The following TAFA2 variants were observed in gnomAD, a reference collection of about 807,000 sequenced individuals.
TAFA2 encodes the protein chemokine-like protein TAFA-2.
TAFA2 carries 7 observed loss-of-function variants against 18.8 expected under a neutral mutation model. That is an observed-to-expected ratio of 0.37 (90% CI 0.21 to 0.70). TAFA2 has a LOEUF of 0.70. Among genes scored for constraint, TAFA2 ranks in the 30% least tolerant of loss-of-function variants. The pLI is 0.53. For synonymous variants in TAFA2, 60 were observed against 54.2 expected, an observed-to-expected ratio of 1.11 and a Z score of -0.47; for missense variants, 122 against 158.1, an observed-to-expected ratio of 0.77 and a Z score of 1.23.
At chr12:61,895,888 T>C (rs567016644) in intron 1 of TAFA2, among the ~76,000 whole-genome samples, 2 of 152,174 alleles carry the variant, frequency 1.3e-5, no homozygotes, top group East Asian at 3.9e-4. Context: ...AAGATACGTG[T>C]CAGAAAACAG....
At chr12:61,874,195 A>G (rs1409652875) in intron 1 of TAFA2, among the ~76,000 whole-genome samples, 1 of 152,156 alleles carries the variant, frequency 6.6e-6, no homozygotes, top group African/African-American at 2.4e-5. Flanking sequence ...TCAAAAATTT[A>G]TAGAGTTGTA....
At chr12:61,730,858 G>A (rs951602196) in intron 4 of TAFA2, among the ~76,000 whole-genome samples, 3 of 152,120 alleles carry the variant, frequency 2.0e-5, no homozygotes, top group Non-Finnish European at 4.4e-5. Flanking sequence ...GAGAAAGCAG[G>A]CAGGGATTTC....
At position 62,014,239 on chromosome 12, in the gene TAFA2, G is replaced by A. The variant is rs79919435; in HGVS notation, c.-1-146813C>T. ...TTTAACACATTAGTGGACCAACTTT[G>A]GCAGCAAGATACCAAAATTTACTAC... On this transcript the variant is annotated intron_variant, in intron 1 of 4. Coordinates refer to ENST00000416284, the MANE Select transcript of TAFA2 (RefSeq NM_178539.5). 3.7e-3 allele frequency among the ~76,000 whole-genome samples: 564 copies of A among 152,202 alleles called. 2 individuals are homozygous for A. The highest frequency in any genetic ancestry group is 0.013 in the African/African-American group (521 of 41,522).
intron 1 of TAFA2, chr12:62,242,335 A>C (rs1289437328): frequency 6.6e-6 from 1 of 152,268 alleles, no homozygotes; most frequent in Non-Finnish European, 1.5e-5. Flanking sequence ...AAAAAAGAAA[A>C]AAGGAAAAAT....
At chr12:62,048,879 T>C (rs1478383819) in intron 1 of TAFA2, among the ~76,000 whole-genome samples, 2 of 152,144 alleles carry the variant, frequency 1.3e-5, no homozygotes, top group African/African-American at 2.4e-5. Context: ...AGGACATAGA[T>C]AGACCAAAGG....
chr12:62,178,949 T>C (rs576492634), intron 1 of TAFA2, among the ~76,000 whole-genome samples: 5 of 152,332 alleles, frequency 3.3e-5, no homozygotes, highest in African/African-American at 9.6e-5. Flanking sequence ...ATTCACTGTC[T>C]GTATGATTTT....
intron 2 of TAFA2, among the ~76,000 whole-genome samples, chr12:61,828,662 T>G (rs1414950570): frequency 6.6e-6 from 1 of 151,834 alleles, no homozygotes; most frequent in East Asian, 1.9e-4. Flanking sequence ...GAGAAAAAAT[T>G]TATTTACATT....
chr12:61,879,347 C>T, intron 1 of TAFA2: 1 of 688,746 alleles, frequency 1.5e-6, no homozygotes, highest in Non-Finnish European at 2.4e-6. Flanking sequence ...AGAAGTCCTA[C>T]AAGGTATCCA....
At chr12:61,780,277 A>T (rs1870449162) in intron 2 of TAFA2, among the ~76,000 whole-genome samples, 1 of 151,810 alleles carries the variant, frequency 6.6e-6, no homozygotes, top group South Asian at 2.1e-4. Context: ...CACCAAGTCA[A>T]CTTCAATCAA....
intron 1 of TAFA2, among the ~76,000 whole-genome samples, chr12:62,073,353 T>A (rs561232499): frequency 6.6e-6 from 1 of 152,186 alleles, no homozygotes; most frequent in East Asian, 1.9e-4. Context: ...TAGGTAGGTG[T>A]TATTATCTTA....
rs140372129 is a variant in TAFA2, at chr12:62,230,795, G to A, written c.-130+27968C>T. ...AGGGCTCACATGATCTTCTTGCTTC[G>A]GCCTCTCAACTAACAGAGACCACAG... On this transcript the variant is annotated intron_variant, in intron 1 of 5. Transcript: ENST00000551619. 1.9e-3 allele frequency among the ~76,000 whole-genome samples: 286 copies of A among 151,970 alleles called. 3 individuals are homozygous for A. The highest frequency in any genetic ancestry group is 6.4e-3 in the African/African-American group (267 of 41,446).
chr12:62,149,652 A>G (rs1441033851), intron 1 of TAFA2, among the ~76,000 whole-genome samples: 1 of 150,764 alleles, frequency 6.6e-6, no homozygotes, highest in Admixed American at 6.6e-5. Flanking sequence ...GAGAAGCTGA[A>G]CTTAATTTTA....
Position 61,764,531 on chromosome 12 carries a change from C to A in TAFA2, c.107-9507G>T, listed in dbSNP as rs116594750. Among the ~76,000 whole-genome samples the A allele has an allele frequency of 6.0e-3, 918 of 151,992 alleles. 4 individuals are homozygous for A. The highest frequency in any genetic ancestry group is 0.021 in the African/African-American group (874 of 41,464). On this transcript the variant is annotated intron_variant, in intron 2 of 4. Transcript: ENST00000416284. Reference sequence around the variant, plus strand: ...AGTTGTTTGTCCCTGAAGAGTGTGACTTGGAGTAAGGCATTTAGGTCTCTG... The same window carrying A: ...AGTTGTTTGTCCCTGAAGAGTGTGAATTGGAGTAAGGCATTTAGGTCTCTG...
intron 1 of TAFA2, among the ~76,000 whole-genome samples, chr12:62,056,426 A>G (rs1210484972): frequency 6.6e-6 from 1 of 152,236 alleles, no homozygotes; most frequent in Non-Finnish European, 1.5e-5. Context: ...TGTGGCATAT[A>G]ATAATAATTA....
At chr12:62,075,105 A>T (rs1882728737) in intron 1 of TAFA2, among the ~76,000 whole-genome samples, 2 of 152,232 alleles carry the variant, frequency 1.3e-5, no homozygotes, top group South Asian at 4.1e-4. Flanking sequence ...AACCAATAAC[A>T]CAACATTCTT....
At chr12:62,251,326 G>A (rs145281084) in intron 1 of TAFA2, among the ~76,000 whole-genome samples, 22 of 152,308 alleles carry the variant, frequency 1.4e-4, no homozygotes, top group African/African-American at 4.3e-4. Flanking sequence ...CTGCTGCCAG[G>A]TGCCTTTGAA....
At chr12:61,849,620 A>G (rs896043080) in intron 2 of TAFA2, among the ~76,000 whole-genome samples, 1 of 152,182 alleles carries the variant, frequency 6.6e-6, no homozygotes, top group Non-Finnish European at 1.5e-5. Context: ...TACAGGAGAC[A>G]CTTAAATTAT....
intron 2 of TAFA2, among the ~76,000 whole-genome samples, chr12:61,788,140 A>G (rs1870815671): frequency 6.6e-6 from 1 of 151,708 alleles, no homozygotes; most frequent in African/African-American, 2.4e-5. Flanking sequence ...ATATCTATTC[A>G]GCAAGAGAAT....
Position 61,970,786 on chromosome 12 carries a change from G to T in TAFA2, c.-1-103360C>A, listed in dbSNP as rs114646713. Among the ~76,000 whole-genome samples, 442 of 148,612 alleles carry T rather than the reference G, an allele frequency of 3.0e-3. 4 individuals are homozygous for T. Among genetic ancestry groups the T allele is most frequent in the African/African-American group, 0.01 (406 of 40,452 alleles). On this transcript the variant is annotated intron_variant, in intron 1 of 4. Coordinates refer to ENST00000416284, the MANE Select transcript of TAFA2 (RefSeq NM_178539.5). The stretch of plus-strand genomic sequence containing the variant: ...TGCAAGAATCATCAATGGACACCTA[G>T]ACTAGAATGGTCACATTGAGAGTGG...
Sources: allele counts gnomAD v4.1 joint callset (sites outside exome capture counted in the v4.1 genomes callset), GRCh38; gene constraint gnomAD v4.1.1; transcripts MANE v1.5; gene names NCBI Gene and HGNC (gene_info 2026-07-23, HGNC 2026-07-21).